CEP170B: variants seen among roughly 807,000 people sequenced by gnomAD.
CEP170B encodes the protein centrosomal protein 170B, also known as centrosomal protein of 170 kDa protein B.
CEP170B carries 55 observed loss-of-function variants against 120.6 expected under a neutral mutation model. The ratio of observed to expected loss-of-function variants is 0.46; its 90% CI spans 0.37 to 0.57. The LOEUF is 0.57. Among genes scored for constraint, CEP170B ranks in the 20% least tolerant of loss-of-function variants. The pLI, the probability that CEP170B is intolerant of heterozygous loss-of-function variation, is 0.00. For missense variants in CEP170B, 2,212 were observed against 2,253.3 expected (o/e 0.98, Z 0.37); for synonymous variants, 1,033 against 954.5 (o/e 1.08, Z -1.52).
At chr14:104,879,934 A>C (rs913487403) in intron 5 of CEP170B, among the ~76,000 whole-genome samples, 42 of 152,080 alleles carry the variant, frequency 2.8e-4, no homozygotes, top group African/African-American at 1.0e-3. Flanking sequence ...GGGGTCCCCC[A>C]GCCTGCAAGG....
chr14:104,888,660 C>T (rs1450854993), intron 12 of CEP170B, among the ~76,000 whole-genome samples: 1 of 152,268 alleles, frequency 6.6e-6, no homozygotes. Flanking sequence ...CTGAGCTGTC[C>T]TGCGAGTGGA....
Position 104,877,940 on chromosome 14 carries a change from A to G in CEP170B, c.251A>G (p.Asn84Ser). Residue 84 changes from asparagine (N) to serine (S), a missense_variant, in exon 4 of 19, where the codon AAC becomes AGC. Around this residue, in one of 2 missense-constraint regions of CEP170B, gnomAD observed 2,166 missense variants for 2,166.7 expected, o/e 1.00. Coordinates refer to ENST00000414716, the MANE Select transcript of CEP170B (RefSeq NM_001112726.3). ...PDQKYVTLKL[N>S]DVIRFGYDSN... ...CAGAAGTACGTCACGCTGAAGCTCA[A>G]CGATGTCATCCGCTTCGGCTACGAT... The G allele has an allele frequency of 1.2e-6, 2 of 1,607,336 alleles. No homozygotes were observed. Among genetic ancestry groups the G allele is most frequent in the East Asian group, 4.5e-5 (2 of 44,596 alleles).
chr14:104,886,196 G>A lies in CEP170B; in HGVS notation c.2035+66G>A, dbSNP rs577377771. ...GGGCGGGCCTCAGGCCACTGACCAC[G>A]GACACAGGCTGCCTCTTCCTGAGCG... On this transcript the variant is annotated intron_variant, in intron 11 of 18. Coordinates refer to ENST00000414716, the MANE Select transcript of CEP170B (RefSeq NM_001112726.3). The A allele has an allele frequency of 3.3e-5, 48 of 1,473,980 alleles. No individual in the cohort carries two copies. The Admixed American group carries it at 6.0e-4, about 18-fold the overall frequency. The allele number at this position is 1,473,980 out of a possible 1,614,324, so 91.3% of individuals were successfully genotyped here.
At chr14:104,879,515 G>A (rs991768321) in intron 5 of CEP170B, among the ~76,000 whole-genome samples, 2 of 152,120 alleles carry the variant, frequency 1.3e-5, no homozygotes, top group East Asian at 1.9e-4. Flanking sequence ...TACGCTGCAC[G>A]ACCAAGGCCC....
In CEP170B at chr14:104,887,525, A is replaced by G; in HGVS notation, c.3286A>G (p.Ser1096Gly). The change falls in exon 12 of 19, where the codon AGC becomes GGC. Residue 1096 changes from serine (S) to glycine (G), a missense_variant. Ser to Gly is a moderately conservative substitution (Grantham distance 56, BLOSUM62 0). This residue lies in a region of CEP170B where 2,166 missense variants were observed against 2,166.7 expected (regional missense o/e 1.00). Transcript: ENST00000414716. ...PPSPAAREEQ[S>G]RSSASSQKGP... ...ATCCCCAGCTGCCCGGGAGGAGCAG[A>G]GCCGTAGCTCAGCCAGCTCCCAGAA... 6.2e-7 allele frequency: 1 copy of G among 1,611,302 alleles called. No individual in the cohort carries two copies. The highest frequency in any genetic ancestry group is 8.5e-7 in the Non-Finnish European group (1 of 1,179,514).
In CEP170B at chr14:104,883,309, G is replaced by A. The variant is rs118168880; in HGVS notation, c.852G>A (p.Lys284=). 1,351 of 1,612,144 alleles carry A rather than the reference G, an allele frequency of 8.4e-4. 15 individuals are homozygous for A. In the East Asian group the frequency reaches 0.026, roughly 31 times the overall value. The part of the protein sequence containing the change: ...DDCSPGKMKI[K]DHITKFSLRQ... ...GCAGCCCTGGCAAGATGAAGATCAA[G>A]GACCATATCACCAAGTTTTCCCTGC... The change falls in exon 8 of 19, where the codon AAG becomes AAA. Residue 284 remains lysine, a synonymous_variant. Coordinates refer to ENST00000414716, the MANE Select transcript of CEP170B (RefSeq NM_001112726.3).
rs1300360433 is a variant in CEP170B at position 104,872,447 on chromosome 14, CAT to C, written c.106-3808_106-3807del. ...GCCGTGCGTGTGTGCGTGTGTGTGCCATGTGTGTGCGTGTGGGTGTGCCGTGT... is the reference window on the plus strand; with the variant it reads ...GCCGTGCGTGTGTGCGTGTGTGTGCCGTGTGTGCGTGTGGGTGTGCCGTGT... On this transcript the variant is annotated intron_variant, in intron 2 of 18. Transcript: ENST00000414716. 5.4e-4 allele frequency among the ~76,000 whole-genome samples: 55 copies of C among 101,612 alleles called. 6 individuals carry two copies. The highest frequency in any genetic ancestry group is 1.5e-3 in the African/African-American group (40 of 27,316). 66.7% of individuals were successfully genotyped at this position (101,612 alleles called of 152,430 possible).
chr14:104,885,624 C>T, intron 10 of CEP170B, 82 bp downstream of exon 10: 4 of 1,482,370 alleles, frequency 2.7e-6, no homozygotes, highest in Non-Finnish European at 2.7e-6. Flanking sequence ...TCAGCGGGCC[C>T]CCCATGGGGC....
intron 2 of CEP170B, among the ~76,000 whole-genome samples, chr14:104,869,382 C>T (rs1418538064): frequency 1.3e-5 from 2 of 152,186 alleles, no homozygotes; most frequent in Non-Finnish European, 2.9e-5. Context: ...CAGACGTTGC[C>T]TCCTGGATGC....
chr14:104,867,573 C>T lies in CEP170B; in HGVS notation c.-27-851C>T, dbSNP rs1420675773. On this transcript the variant is annotated intron_variant, in intron 1 of 18. Coordinates refer to ENST00000414716, the MANE Select transcript of CEP170B (RefSeq NM_001112726.3). This position sits in a 1 kb window ranked among gnomAD's most constrained non-coding sequence, Gnocchi z 5.4. Reference sequence around the variant, plus strand: ...GACATGTGTGCTGGCATGCTCCGGGCTTGCAGGGTGCATGCTGGCTGGGTA... The same window carrying T: ...GACATGTGTGCTGGCATGCTCCGGGTTTGCAGGGTGCATGCTGGCTGGGTA... 6.6e-6 allele frequency among the ~76,000 whole-genome samples: 1 copy of T among 152,120 alleles called. No individual in the cohort carries two copies. Among genetic ancestry groups the T allele is most frequent in the Non-Finnish European group, 1.5e-5 (1 of 68,022 alleles).
At position 104,868,858 on chromosome 14, in the gene CEP170B, G is replaced by A. The variant is rs965949845; in HGVS notation, c.105+303G>A. Among the ~76,000 whole-genome samples, 8 of 152,174 alleles carry A rather than the reference G, an allele frequency of 5.3e-5. No homozygotes were observed. The highest frequency in any genetic ancestry group is 8.8e-5 in the Non-Finnish European group (6 of 68,026). ...CAAAGTTGTTGGGGTCCCTAGAAGCGTGAGTTGGCGTCCTTTTGCAGAGAG... is the reference window on the plus strand; with the variant it reads ...CAAAGTTGTTGGGGTCCCTAGAAGCATGAGTTGGCGTCCTTTTGCAGAGAG... On this transcript the variant is annotated intron_variant, in intron 2 of 18. Transcript: ENST00000414716. The surrounding 1 kb of genome is among the most constrained non-coding windows in gnomAD (Gnocchi z 5.9).
Position 104,887,177 on chromosome 14 carries a change from C to T in CEP170B, c.2938C>T (p.Arg980Trp), listed in dbSNP as rs372572294. Residue 980 changes from arginine to tryptophan, a missense_variant, in exon 12 of 19, where the codon CGG becomes TGG. Arg to Trp is a moderately radical substitution (Grantham distance 101). This residue lies in a region of CEP170B where 2,166 missense variants were observed against 2,166.7 expected (regional missense o/e 1.00). Transcript: ENST00000414716. ...GPSPTTPQPLRAQKEMSPSPP... is the reference protein window; with the variant it reads ...GPSPTTPQPLWAQKEMSPSPP... Reference sequence around the variant, plus strand: ...CAGCCCCACAACCCCCCAGCCTCTGCGGGCACAGAAGGAGATGTCGCCATC... The same window carrying T: ...CAGCCCCACAACCCCCCAGCCTCTGTGGGCACAGAAGGAGATGTCGCCATC... The T allele has an allele frequency of 2.4e-5, 38 of 1,607,436 alleles. No individual in the cohort carries two copies. Among genetic ancestry groups the T allele is most frequent in the African/African-American group, 9.3e-5 (7 of 74,944 alleles).
intron 2 of CEP170B, among the ~76,000 whole-genome samples, chr14:104,871,042 T>G (rs983782871): frequency 1.3e-5 from 2 of 151,508 alleles, no homozygotes; most frequent in African/African-American, 4.9e-5. Context: ...GCCCCTCTGT[T>G]GCCCCCACCT....
intron 2 of CEP170B, among the ~76,000 whole-genome samples, chr14:104,873,975 G>T (rs1044085791): frequency 3.3e-5 from 5 of 152,314 alleles, no homozygotes; most frequent in South Asian, 2.1e-4. Flanking sequence ...CAGGGTGCGG[G>T]AGTAGGTGAG....
Position 104,886,590 on chromosome 14 carries a change from G to C in CEP170B, c.2351G>C (p.Arg784Pro). 1 of 1,516,060 alleles carries C rather than the reference G, an allele frequency of 6.6e-7. No homozygotes were observed. Among genetic ancestry groups the C allele is most frequent in the Non-Finnish European group, 8.8e-7 (1 of 1,135,494 alleles). The allele number at this position is 1,516,060 out of a possible 1,614,324, so 93.9% of individuals were successfully genotyped here. Residue 784 changes from arginine to proline, a missense_variant, in exon 12 of 19, where the codon CGC becomes CCC. This residue lies in a region of CEP170B where 2,166 missense variants were observed against 2,166.7 expected (regional missense o/e 1.00). Transcript: ENST00000414716. ...GGGCCCACGTGGAGCAGGGGTCGGC[G>C]CTCACCAAGGGCCCCCGGGGAGCCA... Reference protein sequence around the residue: ...QEGPTWSRGRRSPRAPGEPTP... With the variant: ...QEGPTWSRGRPSPRAPGEPTP...
intron 3 of CEP170B, 133 bp from the exon 4 acceptor site, chr14:104,877,752 G>C (rs1895931379): frequency 3.0e-6 from 2 of 657,440 alleles, no homozygotes; most frequent in Non-Finnish European, 5.5e-6. Flanking sequence ...CTCGCCGTGG[G>C]TTCCAGAGAG....
chr14:104,881,352 G>A (rs1308899078), intron 6 of CEP170B, among the ~76,000 whole-genome samples: 1 of 152,146 alleles, frequency 6.6e-6, no homozygotes, highest in Non-Finnish European at 1.5e-5. Context: ...GGTGTATCCG[G>A]GGATCAGGCT....
Position 104,882,733 on chromosome 14 carries a change from G to C in CEP170B, c.478G>C (p.Ala160Pro), listed in dbSNP as rs554116381. Residue 160 changes from alanine (A) to proline (P), a missense_variant, in exon 7 of 19, where the codon GCC becomes CCC. Around this residue, in one of 2 missense-constraint regions of CEP170B, gnomAD observed 2,166 missense variants for 2,166.7 expected, o/e 1.00. Transcript: ENST00000414716. Reference protein sequence around the residue: ...KGDRRPGTEAASYRTPLYGQP... With the variant: ...KGDRRPGTEAPSYRTPLYGQP... ...ACCTCTCGCTCCCTCCACAGAGGCA[G>C]CCTCTTACCGCACACCCCTGTATGG... 19 of 1,611,416 alleles carry C rather than the reference G, an allele frequency of 1.2e-5. No individual in the cohort carries two copies. The highest frequency in any genetic ancestry group is 2.2e-5 in the South Asian group (2 of 90,910).
chr14:104,886,264 G>C lies in CEP170B; in HGVS notation c.2036-11G>C, dbSNP rs1270713608. On this transcript the variant is annotated splice_polypyrimidine_tract_variant and intron_variant, in intron 11 of 18. Coordinates refer to ENST00000414716, the MANE Select transcript of CEP170B (RefSeq NM_001112726.3). ...AGCGGCCCTCTAACCGGCTGCCTTT[G>C]TGCTCCACAGAGGATGGCCTGGGAC... 6 of 1,513,606 alleles carry C rather than the reference G, an allele frequency of 4.0e-6. No homozygotes were observed. The allele number at this position is 1,513,606 out of a possible 1,614,324, so 93.8% of individuals were successfully genotyped here.
Sources: gnomAD v4.1 joint callset for allele counts (sites outside exome capture counted in the v4.1 genomes callset) on GRCh38, gnomAD v4.1.1 for gene constraint, gnomAD v4.1.1 regional missense constraint, Gnocchi (gnomAD v3.1) non-coding constraint, MANE v1.5 for transcripts, NCBI Gene and HGNC (gene_info 2026-07-23, HGNC 2026-07-21) for gene names.